DNAAF1: variants seen among roughly 807,000 people sequenced by gnomAD.
DNAAF1 encodes dynein assembly factor 1, axonemal.
In DNAAF1, 65 loss-of-function variants were observed where a neutral mutation model predicts 71.1. The ratio of observed to expected loss-of-function variants is 0.91; its 90% confidence interval spans 0.75 to 1.12. The LOEUF (loss-of-function observed/expected upper bound fraction) is 1.12, where lower values mean the gene tolerates loss of function less well. Among genes scored for constraint, DNAAF1 ranks in the 50% most tolerant of loss-of-function variants. The pLI, the probability that DNAAF1 is intolerant of heterozygous loss-of-function variation, is 0.00. For synonymous variants in DNAAF1, 414 were observed against 354.6 expected, an observed-to-expected ratio of 1.17 and a Z score of -1.88; for missense variants, 1,178 against 899.8, an observed-to-expected ratio of 1.31 and a Z score of -3.96.
At position 84,148,186 on chromosome 16, in the gene DNAAF1, G is replaced by T. The variant is rs115470737; in HGVS notation, c.125-821G>T. Among the ~76,000 whole-genome samples, 507 of 152,052 alleles carry T rather than the reference G, an allele frequency of 3.3e-3. 2 individuals carry two copies. Among genetic ancestry groups the T allele is most frequent in the African/African-American group, 0.011 (466 of 41,458 alleles). ...TGTCCAGAATTTTATATGAATTCTT[G>T]CAAGCACTTCTCTATACATGTATGC... On this transcript the variant is annotated intron_variant, in intron 1 of 11. Transcript: ENST00000378553.
At chr16:84,165,983 T>C (rs1170868117) in intron 7 of DNAAF1, 34 bp downstream of exon 7, 1 of 1,609,660 alleles carries the variant, frequency 6.2e-7, no homozygotes, top group Non-Finnish European at 8.5e-7. Context: ...AGCCCCAGAG[T>C]TCCTTTGAGA....
Position 84,174,233 on chromosome 16 carries a change from A to G in DNAAF1, c.1645-436A>G, listed in dbSNP as rs1012991209. The stretch of plus-strand genomic sequence containing the variant: ...CTGGTTGTTATGGACAAAGATACCG[A>G]ACAAACACCCACAATACAAAACAAA... On this transcript the variant is annotated intron_variant, in intron 9 of 11. Coordinates refer to ENST00000378553, the MANE Select transcript of DNAAF1 (RefSeq NM_178452.6). The G allele has an allele frequency of 1.0e-5, 11 of 1,055,492 alleles. No individual in the cohort carries two copies. In the African/African-American group the frequency reaches 1.8e-4, roughly 18 times the overall value. The allele number at this position is 1,055,492 out of a possible 1,614,324, so 65.4% of individuals were successfully genotyped here. A position where few individuals can be genotyped will look rare whatever the true frequency, so the allele number is the denominator to read the frequency against.
Position 84,160,491 on chromosome 16 carries a change from A to G in DNAAF1, c.863+695A>G, listed in dbSNP as rs938842134. On this transcript the variant is annotated intron_variant, in intron 6 of 11. Transcript: ENST00000378553. ...TTAGTAATTCTAATTAGAATAAAAT[A>G]TCAGTCATATAGGCTACTTGACGAG... Among the ~76,000 whole-genome samples the G allele has an allele frequency of 8.5e-5, 13 of 152,378 alleles. No individual in the cohort carries two copies. The South Asian group carries it at 2.7e-3, about 32-fold the overall frequency.
intron 1 of DNAAF1, among the ~76,000 whole-genome samples, chr16:84,146,045 C>T (rs2086886410): frequency 1.3e-5 from 2 of 152,006 alleles, no homozygotes; most frequent in Non-Finnish European, 2.9e-5. Flanking sequence ...TGCAGTGAGC[C>T]AAGATCTCGC....
Position 84,176,139 on chromosome 16 carries a change from C to T in DNAAF1, c.1905C>T (p.Ile635=). 3.7e-6 allele frequency: 6 copies of T among 1,614,094 alleles called. No homozygotes were observed. The highest frequency in any genetic ancestry group is 2.2e-5 in the South Asian group (2 of 91,082). The change falls in exon 11 of 12, where the codon ATC becomes ATT. Residue 635 remains isoleucine (I), a synonymous_variant. Coordinates refer to ENST00000378553, the MANE Select transcript of DNAAF1 (RefSeq NM_178452.6). ...FKKEAKRDLE[I]RKQDTKSPRP... ...AAGAAGCTAAGAGGGACTTGGAAAT[C>T]CGAAAACAAGACACCAAGTCCCCAA...
Position 84,155,818 on chromosome 16 carries a change from T to C in DNAAF1, c.741+69T>C, listed in dbSNP as rs1195422269. The C allele has an allele frequency of 2.5e-6, 4 of 1,573,448 alleles. No homozygotes were observed. In the African/African-American group the frequency reaches 5.4e-5, roughly 21 times the overall value. On this transcript the variant is annotated intron_variant, in intron 5 of 11. Coordinates refer to ENST00000378553, the MANE Select transcript of DNAAF1 (RefSeq NM_178452.6). ...CCGCTTCTATTATTTTCATCAAATA[T>C]CAAGTCCTTTTGTCTTTTCTCTCCT...
At chr16:84,176,524 T>A in intron 11 of DNAAF1, 1 of 663,458 alleles carries the variant, frequency 1.5e-6, no homozygotes, top group South Asian at 1.8e-5. Flanking sequence ...CGAGCCAGCC[T>A]CCTCTTGGGC....
At chr16:84,157,904 C>T (rs933115768) in intron 5 of DNAAF1, among the ~76,000 whole-genome samples, 2 of 152,052 alleles carry the variant, frequency 1.3e-5, no homozygotes, top group African/African-American at 2.4e-5. Context: ...GTGGCTTAAC[C>T]AATACAAATT....
At chr16:84,174,528 A>T in intron 9 of DNAAF1, 141 bp from the exon 10 acceptor site, 1 of 1,554,916 alleles carries the variant, frequency 6.4e-7, no homozygotes, top group Non-Finnish European at 8.7e-7. Context: ...TTTGGTGGGG[A>T]ACAGGCAGGC....
rs1192650516 is a variant in DNAAF1 at position 84,177,805 on chromosome 16, G to A, written c.2142G>A (p.Trp714Ter). The change falls in exon 12 of 12, where the codon TGG becomes TGA. Residue 714 changes from tryptophan (W) to a stop codon, truncating the protein, a stop_gained. Transcript: ENST00000378553. LOFTEE classifies it low-confidence loss of function (END_TRUNC). ...VAQPSQALPT[W>*]DLTAFPAPKA... ...AGCCCAGCCAAGCTCTGCCCACGTG[G>A]GACCTCACTGCATTCCCAGCACCGA... is the stretch of plus-strand genomic sequence containing the variant. The A allele has an allele frequency of 1.2e-5, 19 of 1,613,874 alleles. No homozygotes were observed. Among genetic ancestry groups the A allele is most frequent in the Non-Finnish European group, 1.6e-5 (19 of 1,179,986 alleles).
At chr16:84,149,690 C>CAA (rs11335691) in intron 2 of DNAAF1, among the ~76,000 whole-genome samples, 3,282 of 94,232 alleles carry the variant, frequency 0.035, 157 homozygotes, top group African/African-American at 0.13. Context: ...GACTCCATCT[C>CAA]AAAAAAAAAA....
intron 11 of DNAAF1, chr16:84,176,918 A>T (rs918128638): frequency 1.8e-5 from 3 of 169,966 alleles, no homozygotes; most frequent in African/African-American, 7.2e-5. Flanking sequence ...GCAGGCTGGT[A>T]CATGTGCCTG....
chr16:84,150,392 C>T (rs1380686785), intron 3 of DNAAF1, 50 bp downstream of exon 3: 3 of 1,417,786 alleles, frequency 2.1e-6, no homozygotes, highest in Non-Finnish European at 3.0e-6. Context: ...AAGATTCTGT[C>T]TAGCGGTATA....
Position 84,170,269 on chromosome 16 carries a change from G to T in DNAAF1, c.1441G>T (p.Val481Phe). The T allele has an allele frequency of 1.2e-6, 2 of 1,610,016 alleles. No homozygotes were observed. The highest frequency in any genetic ancestry group is 1.7e-6 in the Non-Finnish European group (2 of 1,178,122). ...CCTGCTACTGTCACCGCCTGTGAAG[G>T]TTAAAGGAGAGGATGGAGATCGAGA... ...ETLLLSPPVK[V>F]KGEDGDREPE... Residue 481 changes from valine (V) to phenylalanine (F), a missense_variant, in exon 8 of 12, where the codon GTT becomes TTT. By Grantham distance (50) the Val-to-Phe change is conservative. Transcript: ENST00000378553.
At chr16:84,159,265 C>T (rs564032165) in intron 5 of DNAAF1, 6 of 1,106,274 alleles carry the variant, frequency 5.4e-6, no homozygotes, top group East Asian at 7.4e-5. Flanking sequence ...CTCTGTCTAG[C>T]GGCTGTGTGC....
intron 9 of DNAAF1, chr16:84,174,174 C>G (rs1390312354): frequency 2.0e-6 from 2 of 1,002,628 alleles, no homozygotes; most frequent in African/African-American, 3.5e-5. Context: ...TTCATGCATC[C>G]AACCACACAC....
intron 9 of DNAAF1, 86 bp from the exon 10 acceptor site, chr16:84,174,583 A>C (rs1483817165): frequency 1.2e-6 from 2 of 1,612,098 alleles, no homozygotes; most frequent in Non-Finnish European, 1.7e-6. Context: ...GGCTGGGTTG[A>C]CTGCGTGTTT....
intron 6 of DNAAF1, 122 bp downstream of exon 6, chr16:84,159,918 T>C (rs970009929): frequency 2.6e-6 from 3 of 1,157,418 alleles, no homozygotes; most frequent in Non-Finnish European, 3.7e-6. Context: ...TCTTTGGAAA[T>C]AGGCTTGATG....
chr16:84,145,383 T>A lies in DNAAF1; in HGVS notation c.-58T>A. ...TGGCTGGGCTGGGGCCGTAGCGACG[T>A]CCGCCGCGAACCTGGGCCCCCCAAA... On this transcript the variant is annotated 5_prime_UTR_variant, in exon 1 of 12. Coordinates refer to ENST00000378553, the MANE Select transcript of DNAAF1 (RefSeq NM_178452.6). 1 of 1,555,060 alleles carries A rather than the reference T, an allele frequency of 6.4e-7. No homozygotes were observed. The highest frequency in any genetic ancestry group is 8.7e-7 in the Non-Finnish European group (1 of 1,150,484).
Sources: gnomAD v4.1 joint callset for allele counts (sites outside exome capture counted in the v4.1 genomes callset) on GRCh38, gnomAD v4.1.1 for gene constraint, MANE v1.5 for transcripts, NCBI Gene and HGNC (gene_info 2026-07-23, HGNC 2026-07-21) for gene names.